Variants in CC2D2B observed in about 807,000 individuals in gnomAD.
CC2D2B encodes protein CC2D2B.
CC2D2B carries 128 observed loss-of-function variants against 161.2 expected under a neutral mutation model. The ratio of observed to expected loss-of-function variants is 0.79; its 90% CI spans 0.69 to 0.92. CC2D2B has a LOEUF of 0.92. Ranked by LOEUF, CC2D2B falls within the 40% of genes least tolerant of loss-of-function variation. The pLI is 0.00. For synonymous variants in CC2D2B, 391 were observed against 449.8 expected (o/e 0.87, Z 1.65); for missense variants, 1,173 against 1,375.1 (o/e 0.85, Z 2.32).
chr10:95,981,485 T>C (rs980121313), intron 17 of CC2D2B, among the ~76,000 whole-genome samples: 2 of 152,190 alleles, frequency 1.3e-5, no homozygotes, highest in African/African-American at 4.8e-5. Flanking sequence ...TGCATTACTT[T>C]CTATTATGTT....
At chr10:95,953,559 AT>A (rs1293997380) in intron 10 of CC2D2B, among the ~76,000 whole-genome samples, 1 of 151,912 alleles carries the variant, frequency 6.6e-6, no homozygotes, top group Non-Finnish European at 1.5e-5. Flanking sequence ...TGAATTTTAG[AT>A]TTTCTTGTTT....
intron 17 of CC2D2B, among the ~76,000 whole-genome samples, chr10:95,980,687 C>T (rs1004238317): frequency 6.6e-6 from 1 of 152,166 alleles, no homozygotes; most frequent in Non-Finnish European, 1.5e-5. Flanking sequence ...ATTTTCCTTA[C>T]ATCTTACCAT....
chr10:95,934,222 C>T (rs944352226), intron 6 of CC2D2B, among the ~76,000 whole-genome samples: 1 of 152,134 alleles, frequency 6.6e-6, no homozygotes, highest in Non-Finnish European at 1.5e-5. Context: ...ATGGCGGACG[C>T]CCCTTCCCCA....
intron 33 of CC2D2B, among the ~76,000 whole-genome samples, chr10:96,025,427 G>A (rs11188563): frequency 7.0e-6 from 1 of 142,864 alleles, no homozygotes; most frequent in South Asian, 2.2e-4. Flanking sequence ...CCATGGAAAA[G>A]TGGCCCCTCT....
At chr10:95,994,384 A>T (rs2078146750) in intron 22 of CC2D2B, among the ~76,000 whole-genome samples, 1 of 152,184 alleles carries the variant, frequency 6.6e-6, no homozygotes, top group African/African-American at 2.4e-5. Flanking sequence ...TTCTACCGCT[A>T]TCTTCTAAGA....
rs753440139 is a variant in CC2D2B at position 96,031,959 on chromosome 10, A to G, written c.4265A>G (p.Asn1422Ser). ...LAVYIHPYPNNILSVWVYLAS... is the reference protein window; with the variant it reads ...LAVYIHPYPNSILSVWVYLAS... ...GTATACATTCACCCATACCCAAACA[A>G]CATATTATCTGTGTGGGTCTATTTG... The change falls in exon 35 of 35, where the codon AAC (asparagine) becomes AGC (serine). Residue 1422 changes from asparagine (N) to serine (S), a missense_variant. Transcript: ENST00000646931. 6 of 1,613,482 alleles carry G rather than the reference A, an allele frequency of 3.7e-6. No individual in the cohort carries two copies. The Admixed American group carries it at 8.3e-5, about 22-fold the overall frequency.
chr10:95,990,829 G>A (rs1449963127), intron 20 of CC2D2B, among the ~76,000 whole-genome samples: 1 of 152,194 alleles, frequency 6.6e-6, no homozygotes, highest in Non-Finnish European at 1.5e-5. Context: ...AGTCCTTGGA[G>A]GAGCTAAGAT....
Position 95,966,110 on chromosome 10 carries a change from A to G in CC2D2B, c.1354-80A>G, listed in dbSNP as rs138836254. On this transcript the variant is annotated intron_variant, in intron 13 of 34. Coordinates refer to ENST00000646931, the MANE Select transcript of CC2D2B (RefSeq NM_001349008.3). ...GTTATCCAACAAACTGACAAATACA[A>G]GAAATAAATGAATTTTAAGAATAAA... is the stretch of plus-strand genomic sequence containing the variant. 1.2e-3 allele frequency: 868 copies of G among 709,944 alleles called. 20 individuals carry two copies. In the Admixed American group the frequency reaches 0.033, roughly 27 times the overall value. The allele number at this position is 709,944 out of a possible 1,614,324, so 44.0% of individuals were successfully genotyped here.
chr10:96,029,296 ATATATATATG>A (rs2079960620), intron 34 of CC2D2B, among the ~76,000 whole-genome samples: 1 of 116,880 alleles, frequency 8.6e-6, no homozygotes, highest in African/African-American at 2.9e-5. Flanking sequence ...GTATATATAT[ATATATATATG>A]TATATCTATA....
intron 17 of CC2D2B, among the ~76,000 whole-genome samples, chr10:95,975,935 C>T (rs966162777): frequency 6.6e-6 from 1 of 152,148 alleles, no homozygotes; most frequent in African/African-American, 2.4e-5. Context: ...AGCAGCTATT[C>T]CTAATCTTTG....
At chr10:95,909,330 T>A (rs1351604078) in intron 1 of CC2D2B, among the ~76,000 whole-genome samples, 11 of 152,240 alleles carry the variant, frequency 7.2e-5, no homozygotes, top group Non-Finnish European at 1.5e-4. Flanking sequence ...GCTGGTGCTA[T>A]ATATTTAATA....
chr10:95,934,780 C>T (rs932391163), intron 6 of CC2D2B, among the ~76,000 whole-genome samples: 12 of 152,212 alleles, frequency 7.9e-5, no homozygotes, highest in African/African-American at 2.9e-4. Context: ...TAGACATCAC[C>T]GGCCTTCTGC....
At chr10:95,915,231 A>C (rs2098513985) in intron 2 of CC2D2B, among the ~76,000 whole-genome samples, 1 of 152,178 alleles carries the variant, frequency 6.6e-6, no homozygotes, top group South Asian at 2.1e-4. Flanking sequence ...GGCATATAGA[A>C]ATGCTACTGA....
At chr10:95,950,512 T>G (rs2141345255) in intron 10 of CC2D2B, 1 of 152,766 alleles carries the variant, frequency 6.5e-6, no homozygotes, top group East Asian at 1.9e-4. Flanking sequence ...CATGACATCA[T>G]GAGGGGTATA....
intron 2 of CC2D2B, among the ~76,000 whole-genome samples, chr10:95,914,613 T>A (rs774375920): frequency 1.3e-5 from 2 of 152,160 alleles, no homozygotes; most frequent in Non-Finnish European, 2.9e-5. Context: ...TCTCACAAGA[T>A]CTGATGGTTT....
rs1027922979 is a variant in CC2D2B, at chr10:96,000,237, G to A, written c.2850-3915G>A. The A allele has an allele frequency of 1.7e-5, 21 of 1,234,698 alleles. No individual in the cohort carries two copies. In the African/African-American group the frequency reaches 2.3e-4, roughly 14 times the overall value. The allele number at this position is 1,234,698 out of a possible 1,614,324, so 76.5% of individuals were successfully genotyped here. A position where few individuals can be genotyped will look rare whatever the true frequency, so the allele number is the denominator to read the frequency against. On this transcript the variant is annotated intron_variant, in intron 24 of 34. Coordinates refer to ENST00000646931, the MANE Select transcript of CC2D2B (RefSeq NM_001349008.3). The stretch of plus-strand genomic sequence containing the variant: ...AGGTGCCTTTCTTCTTTTCCTTTGC[G>A]TTCATCATTTTGGCGAATTACTGGA...
At chr10:95,947,776 A>G (rs556628152) in intron 9 of CC2D2B, among the ~76,000 whole-genome samples, 10 of 152,158 alleles carry the variant, frequency 6.6e-5, no homozygotes, top group Non-Finnish European at 1.3e-4. Context: ...AAGATGGACT[A>G]AAACAGTTGA....
chr10:95,936,267 A>G (rs573530128), intron 6 of CC2D2B, among the ~76,000 whole-genome samples: 3 of 152,304 alleles, frequency 2.0e-5, no homozygotes, highest in African/African-American at 7.2e-5. Flanking sequence ...TGGAAAAGCT[A>G]TCTGCCCTGC....
At chr10:96,015,655 A>G (rs970780180) in intron 29 of CC2D2B, among the ~76,000 whole-genome samples, 4 of 151,922 alleles carry the variant, frequency 2.6e-5, no homozygotes, top group African/African-American at 9.7e-5. Flanking sequence ...GGCACTCTCT[A>G]TTTGATCTGT....
Sources: gnomAD v4.1 joint callset for allele counts (sites outside exome capture counted in the v4.1 genomes callset) on GRCh38, gnomAD v4.1.1 for gene constraint, MANE v1.5 for transcripts, NCBI Gene and HGNC (gene_info 2026-07-23, HGNC 2026-07-21) for gene names.